DNAJC10: variants seen among roughly 807,000 people sequenced by gnomAD.
DNAJC10 encodes the protein DnaJ heat shock protein family (Hsp40) member C10, also known as endoplasmic reticulum disulfide reductase DNAJC10.
In DNAJC10, 101 loss-of-function variants were observed where a neutral mutation model predicts 115.0. The observed-to-expected ratio is 0.88, with a 90% CI of 0.75 to 1.04. DNAJC10 has a LOEUF of 1.04. Ranked by LOEUF, DNAJC10 falls within the 50% of genes least tolerant of loss-of-function variation. The pLI is 0.00. For synonymous variants in DNAJC10, 307 were observed against 301.5 expected (o/e 1.02, Z -0.19); for missense variants, 981 against 928.8 (o/e 1.06, Z -0.73).
chr2:182,765,544 G>A (rs1209637712), intron 22 of DNAJC10, among the ~76,000 whole-genome samples: 3 of 152,100 alleles, frequency 2.0e-5, no homozygotes, highest in African/African-American at 4.8e-5. Flanking sequence ...TTAAGAAACC[G>A]ATTCCATGCG....
Position 182,785,854 on chromosome 2 carries a change from A to G in DNAJC10, c.*8722A>G, listed in dbSNP as rs937716138. 2 of 152,158 alleles carry G rather than the reference A, an allele frequency of 1.3e-5. No homozygotes were observed. Among genetic ancestry groups the G allele is most frequent in the African/African-American group, 2.4e-5 (1 of 41,444 alleles). The allele number at this position is 152,158 out of a possible 1,614,324, so 9.4% of individuals were successfully genotyped here. A position where few individuals can be genotyped will look rare whatever the true frequency, so the allele number is the denominator to read the frequency against. On this transcript the variant is annotated 3_prime_UTR_variant, in exon 24 of 24. Coordinates refer to ENST00000264065, the MANE Select transcript of DNAJC10 (RefSeq NM_018981.4). ...GGAAATCAGAATATTTGAATTTGAT[A>G]TTAACTAAGAATTGTTTGCAGGGGA...
chr2:182,749,835 G>A (rs889895403), intron 14 of DNAJC10, among the ~76,000 whole-genome samples: 4 of 152,122 alleles, frequency 2.6e-5, no homozygotes, highest in African/African-American at 7.2e-5. Context: ...GAAAAATTTA[G>A]CTGGGTAGTT....
At chr2:182,730,787 A>T (rs915896310) in intron 8 of DNAJC10, among the ~76,000 whole-genome samples, 1 of 152,142 alleles carries the variant, frequency 6.6e-6, no homozygotes, top group Non-Finnish European at 1.5e-5. Flanking sequence ...ACAGGGGCCT[A>T]ACTTGCCAAT....
At chr2:182,758,975 G>A in intron 20 of DNAJC10, 85 bp downstream of exon 20, 1 of 1,194,968 alleles carries the variant, frequency 8.4e-7, no homozygotes, top group Admixed American at 1.9e-5. Context: ...AATTTACTGT[G>A]GGTTAAGGTT....
In DNAJC10 at chr2:182,784,379, G is replaced by A. The variant is rs1292860199; in HGVS notation, c.*7247G>A. On this transcript the variant is annotated 3_prime_UTR_variant, in exon 24 of 24. Coordinates refer to ENST00000264065, the MANE Select transcript of DNAJC10 (RefSeq NM_018981.4). ...TTGTTGGTATTTTATATAAACTTAA[G>A]AAACCTCCCCACACAAACACACACA... 6.6e-6 allele frequency: 1 copy of A among 151,898 alleles called. No homozygotes were observed. Among genetic ancestry groups the A allele is most frequent in the East Asian group, 1.9e-4 (1 of 5,184 alleles). 9.4% of individuals were successfully genotyped at this position (151,898 alleles called of 1,614,324 possible).
At chr2:182,747,726 TCTC>T (rs1388384179) in intron 14 of DNAJC10, among the ~76,000 whole-genome samples, 1 of 147,690 alleles carries the variant, frequency 6.8e-6, no homozygotes, top group African/African-American at 2.5e-5. Flanking sequence ...TTTATTTCCT[TCTC>T]CTGCCTAATT....
chr2:182,743,761 T>C, intron 14 of DNAJC10, 49 bp downstream of exon 14: 1 of 1,322,426 alleles, frequency 7.6e-7, no homozygotes, highest in South Asian at 1.2e-5. Context: ...CATTTTCAAA[T>C]AGAAGTTTTC....
Position 182,756,505 on chromosome 2 carries a change from T to C in DNAJC10, c.1809+36T>C. ...AATAGTTTATTTTAAATCTTAACATTTACTAAGAATGTTTATTTAACAGAA... is the reference window on the plus strand; with the variant it reads ...AATAGTTTATTTTAAATCTTAACATCTACTAAGAATGTTTATTTAACAGAA... On this transcript the variant is annotated intron_variant, in intron 18 of 23. Coordinates refer to ENST00000264065, the MANE Select transcript of DNAJC10 (RefSeq NM_018981.4). The C allele has an allele frequency of 2.6e-6, 4 of 1,563,982 alleles. No homozygotes were observed. In the South Asian group the frequency reaches 4.7e-5, roughly 18 times the overall value.
chr2:182,720,523 T>C (rs1693124057), intron 4 of DNAJC10, among the ~76,000 whole-genome samples: 1 of 152,198 alleles, frequency 6.6e-6, no homozygotes. Flanking sequence ...CTTTTCTATA[T>C]TTAAATACAA....
chr2:182,755,812 G>C (rs1398058530), intron 17 of DNAJC10, among the ~76,000 whole-genome samples: 1 of 152,172 alleles, frequency 6.6e-6, no homozygotes, highest in Non-Finnish European at 1.5e-5. Context: ...TATGGCCTCT[G>C]TAGACATCCA....
At position 182,722,030 on chromosome 2, in the gene DNAJC10, T is replaced by TATG; in HGVS notation, c.382_384dup (p.Asp128dup). ...TTATATACTTTTAAAATTAGGTATT[T>TATG]ATGATGATGATCCTGAAATCATAAC... is the stretch of plus-strand genomic sequence containing the variant. On this transcript the variant is annotated inframe_insertion, in exon 5 of 24. Transcript: ENST00000264065. The TATG allele has an allele frequency of 6.5e-7, 1 of 1,530,206 alleles. No individual in the cohort carries two copies. Among genetic ancestry groups the TATG allele is most frequent in the East Asian group, 2.3e-5 (1 of 42,568 alleles). 94.8% of individuals were successfully genotyped at this position (1,530,206 alleles called of 1,614,324 possible).
chr2:182,736,391 G>C lies in DNAJC10; in HGVS notation c.987+5G>C, dbSNP rs1455447506. The C allele has an allele frequency of 6.4e-6, 10 of 1,558,034 alleles. No homozygotes were observed. Among genetic ancestry groups the C allele is most frequent in the Non-Finnish European group, 7.8e-6 (9 of 1,157,866 alleles). ...AAAGAGAAAAACAGTATTTTGGTAT[G>C]AATCACTTTAAACTAATTTATTTAC... On this transcript the variant is annotated splice_donor_5th_base_variant and intron_variant, in intron 11 of 23. Coordinates refer to ENST00000264065, the MANE Select transcript of DNAJC10 (RefSeq NM_018981.4).
chr2:182,763,071 G>A (rs1056551534), intron 22 of DNAJC10, among the ~76,000 whole-genome samples: 8 of 151,982 alleles, frequency 5.3e-5, no homozygotes, highest in African/African-American at 1.7e-4. Flanking sequence ...AGTATTATTC[G>A]TGATAATCTT....
intron 11 of DNAJC10, 54 bp from the exon 12 acceptor site, chr2:182,740,245 C>A: frequency 1.6e-6 from 2 of 1,230,554 alleles, no homozygotes; most frequent in Non-Finnish European, 2.2e-6. Flanking sequence ...CAAAAGATAT[C>A]AAATATAATG....
At chr2:182,741,604 C>G (rs1437509609) in intron 13 of DNAJC10, among the ~76,000 whole-genome samples, 2 of 151,998 alleles carry the variant, frequency 1.3e-5, no homozygotes, top group African/African-American at 4.8e-5. Flanking sequence ...TTCTGGAATG[C>G]ATACTGTAGG....
chr2:182,743,780 C>G, intron 14 of DNAJC10, 68 bp downstream of exon 14: 2 of 1,095,672 alleles, frequency 1.8e-6, no homozygotes, highest in Non-Finnish European at 2.7e-6. Context: ...TCTAATTGTG[C>G]TTTTTAAACT....
chr2:182,748,760 T>C (rs1165673135), intron 14 of DNAJC10, among the ~76,000 whole-genome samples: 1 of 152,226 alleles, frequency 6.6e-6, no homozygotes, highest in Non-Finnish European at 1.5e-5. Flanking sequence ...GGTGTCAATT[T>C]TGGATCTTTC....
chr2:182,774,553 A>G (rs749604518), intron 22 of DNAJC10, among the ~76,000 whole-genome samples: 9 of 152,062 alleles, frequency 5.9e-5, no homozygotes, highest in African/African-American at 1.4e-4. Flanking sequence ...AGCCTCCACA[A>G]TGGCAGACAC....
chr2:182,747,919 A>T (rs1693911789), intron 14 of DNAJC10, among the ~76,000 whole-genome samples: 1 of 151,798 alleles, frequency 6.6e-6, no homozygotes, highest in Admixed American at 6.6e-5. Flanking sequence ...TACCTAATTT[A>T]TGGAGAGTTT....
Sources: gnomAD v4.1 joint callset for allele counts (sites outside exome capture counted in the v4.1 genomes callset) on GRCh38, gnomAD v4.1.1 for gene constraint, MANE v1.5 for transcripts, NCBI Gene and HGNC (gene_info 2026-07-23, HGNC 2026-07-21) for gene names.